TBC1D5: variants seen among roughly 807,000 people sequenced by gnomAD.
The protein encoded by TBC1D5 is TBC1 domain family, member 5.
TBC1D5 carries 75 observed loss-of-function variants against 100.3 expected under a neutral mutation model. That is an observed-to-expected ratio of 0.75 (90% confidence interval 0.62 to 0.91). The LOEUF is 0.91. Among genes scored for constraint, TBC1D5 ranks in the 40% least tolerant of loss-of-function variants. The probability of loss-of-function intolerance (pLI) is 0.00; values close to 1 mark genes in which losing one functional copy is unlikely to be tolerated. For synonymous variants in TBC1D5, 323 were observed against 325.6 expected (o/e 0.99, Z 0.09); for missense variants, 910 against 942.4 (o/e 0.97, Z 0.45).
chr3:17,246,076 A>T (rs2076712866), intron 16 of TBC1D5, among the ~76,000 whole-genome samples: 1 of 152,230 alleles, frequency 6.6e-6, no homozygotes, highest in Non-Finnish European at 1.5e-5. Context: ...CAGCTGCAGT[A>T]AACATATACT....
chr3:17,287,345 G>A (rs6794164), intron 15 of TBC1D5, among the ~76,000 whole-genome samples: 9,534 of 152,244 alleles, frequency 0.063, 595 homozygotes, highest in African/African-American at 0.16. Flanking sequence ...GTCCTAAGGC[G>A]TAATAACTTA....
At chr3:17,448,315 G>C (rs2094845861) in intron 3 of TBC1D5, among the ~76,000 whole-genome samples, 1 of 152,094 alleles carries the variant, frequency 6.6e-6, no homozygotes, top group Non-Finnish European at 1.5e-5. Context: ...TCAGCGATGA[G>C]GGCTGGAATC....
intron 13 of TBC1D5, among the ~76,000 whole-genome samples, chr3:17,363,090 A>C (rs2091855065): frequency 6.6e-6 from 1 of 151,564 alleles, no homozygotes; most frequent in African/African-American, 2.4e-5. Flanking sequence ...ATTAGTTTTA[A>C]CTCATATTTA....
chr3:17,591,233 CAAAAAAAAAAAAAAA>C (rs60889092), intron 2 of TBC1D5, among the ~76,000 whole-genome samples: 119 of 18,672 alleles, frequency 6.4e-3, no homozygotes, highest in African/African-American at 0.011. Flanking sequence ...AAGGATCTGT[CAAAAAAAAAAAAAAA>C]AAAAAAAAAA....
chr3:17,256,374 C>G (rs2077672106), intron 16 of TBC1D5, among the ~76,000 whole-genome samples: 1 of 135,744 alleles, frequency 7.4e-6, no homozygotes, highest in Non-Finnish European at 1.5e-5. Flanking sequence ...GCACAAGAAT[C>G]TCAATGTGTT....
chr3:17,494,182 T>TTGGGGTCCACC (rs1417113344), intron 3 of TBC1D5, among the ~76,000 whole-genome samples: 2 of 152,118 alleles, frequency 1.3e-5, no homozygotes, highest in Non-Finnish European at 2.9e-5. Flanking sequence ...TGTGGTTTGC[T>TTGGGGTCCACC]TGGGGTCCAC....
At chr3:17,332,711 A>C (rs969250108) in intron 13 of TBC1D5, among the ~76,000 whole-genome samples, 2 of 152,176 alleles carry the variant, frequency 1.3e-5, no homozygotes, top group African/African-American at 4.8e-5. Context: ...TGAAGTAGAA[A>C]GAATATATCA....
chr3:17,326,189 A>G (rs2086111958), intron 13 of TBC1D5, among the ~76,000 whole-genome samples: 1 of 152,228 alleles, frequency 6.6e-6, no homozygotes, highest in Non-Finnish European at 1.5e-5. Context: ...AAATACAGAT[A>G]AAGAGAGAAC....
At chr3:17,213,137 A>G (rs965705763) in intron 18 of TBC1D5, among the ~76,000 whole-genome samples, 1 of 152,200 alleles carries the variant, frequency 6.6e-6, no homozygotes, top group Non-Finnish European at 1.5e-5. Flanking sequence ...ATGTTTAGAT[A>G]CAAAAATACT....
chr3:17,414,197 T>G (rs1461468655), intron 4 of TBC1D5, among the ~76,000 whole-genome samples: 1 of 152,126 alleles, frequency 6.6e-6, no homozygotes, highest in Non-Finnish European at 1.5e-5. Context: ...TGAAGCAGGA[T>G]TTAAGTAGGA....
At chr3:17,191,013 G>A (rs2069813397) in intron 18 of TBC1D5, among the ~76,000 whole-genome samples, 1 of 152,126 alleles carries the variant, frequency 6.6e-6, no homozygotes, top group South Asian at 2.1e-4. Context: ...ACACATACAC[G>A]GTGTGAATGA....
chr3:17,534,008 A>AC (rs2096259782), intron 2 of TBC1D5, among the ~76,000 whole-genome samples: 1 of 152,122 alleles, frequency 6.6e-6, no homozygotes, highest in Admixed American at 6.6e-5. Flanking sequence ...GTATTTTCTG[A>AC]AACCTGTCGT....
chr3:17,650,704 G>A (rs1314778329), intron 1 of TBC1D5, among the ~76,000 whole-genome samples: 1 of 152,140 alleles, frequency 6.6e-6, no homozygotes, highest in Admixed American at 6.6e-5. Flanking sequence ...GTTTAAAGTT[G>A]CTGCAGGAAT....
Position 17,258,575 on chromosome 3 carries a change from AC to A in TBC1D5, c.1261del (p.Val421Ter). 6.2e-7 allele frequency: 1 copy of A among 1,612,724 alleles called. No homozygotes were observed. The highest frequency in any genetic ancestry group is 1.7e-5 in the Admixed American group (1 of 59,958). ...TAAATTTGGATGGAATTGATAAGTCACTGGTCTTGGATTTCTCTAAAAAAAA... is the reference window on the plus strand; with the variant it reads ...TAAATTTGGATGGAATTGATAAGTCATGGTCTTGGATTTCTCTAAAAAAAA... On this transcript the variant is annotated frameshift_variant, in exon 16 of 22. Coordinates refer to ENST00000253692, the Ensembl canonical transcript of TBC1D5. LOFTEE classifies it high-confidence loss of function.
chr3:17,718,593 A>G (rs191126369), intron 1 of TBC1D5, among the ~76,000 whole-genome samples: 1 of 152,174 alleles, frequency 6.6e-6, no homozygotes, highest in Admixed American at 6.5e-5. Context: ...GGAGACTCCA[A>G]CTCAAAAAAA....
intron 4 of TBC1D5, among the ~76,000 whole-genome samples, chr3:17,415,645 T>C (rs2094048028): frequency 6.6e-6 from 1 of 152,100 alleles, no homozygotes; most frequent in African/African-American, 2.4e-5. Flanking sequence ...TTAATTGTAT[T>C]AATAATTTAA....
intron 18 of TBC1D5, among the ~76,000 whole-genome samples, chr3:17,191,776 C>T (rs1052485246): frequency 6.6e-6 from 1 of 150,832 alleles, no homozygotes; most frequent in African/African-American, 2.5e-5. Flanking sequence ...GCTACCACAC[C>T]CGGCTTTTTT....
chr3:17,560,644 C>T (rs1449388245), intron 2 of TBC1D5, among the ~76,000 whole-genome samples: 1 of 144,008 alleles, frequency 6.9e-6, no homozygotes, highest in African/African-American at 2.6e-5. Flanking sequence ...GGGTGGGGGG[C>T]GGACACAGTG....
chr3:17,562,174 A>T (rs977980384), intron 2 of TBC1D5: 1 of 152,066 alleles, frequency 6.6e-6, no homozygotes, highest in Non-Finnish European at 1.5e-5. Context: ...AAATTAAAAT[A>T]AAAATAAACT....
Sources: gnomAD v4.1 joint callset for allele counts (sites outside exome capture counted in the v4.1 genomes callset) on GRCh38, gnomAD v4.1.1 for gene constraint, MANE v1.5 for transcripts, NCBI Gene and HGNC (gene_info 2026-07-23, HGNC 2026-07-21) for gene names.